Variants in TRPC4 observed in about 807,000 individuals in gnomAD.
TRPC4 encodes transient receptor potential cation channel subfamily C member 4, also known as short transient receptor potential channel 4.
In TRPC4, 49 loss-of-function variants were observed where a neutral mutation model predicts 99.4. The ratio of observed to expected loss-of-function variants is 0.49; its 90% confidence interval spans 0.39 to 0.63. The LOEUF (loss-of-function observed/expected upper bound fraction) is 0.63. TRPC4 is among the 20% of genes least tolerant of loss of function. The probability of loss-of-function intolerance (pLI) is 0.00; values close to 1 mark genes in which losing one functional copy is unlikely to be tolerated. For synonymous variants in TRPC4, 454 were observed against 425.9 expected, an observed-to-expected ratio of 1.07 and a Z score of -0.81; for missense variants, 898 against 1,152.9, an observed-to-expected ratio of 0.78 and a Z score of 3.20.
chr13:37,730,631 T>C (rs1334410781), intron 3 of TRPC4, among the ~76,000 whole-genome samples: 1 of 151,876 alleles, frequency 6.6e-6, no homozygotes, highest in Non-Finnish European at 1.5e-5. Flanking sequence ...TACTCACATA[T>C]AAGTTGGTAG....
At position 37,637,471 on chromosome 13, in the gene TRPC4, T is replaced by A. The variant is rs762033326; in HGVS notation, c.2366A>T (p.Asp789Val). Residue 789 changes from aspartate (D) to valine (V), a missense_variant, in exon 11 of 11, where the codon GAC becomes GTC. Physicochemically the swap from Asp to Val is radical, Grantham distance 152. This residue lies in a region of TRPC4 where 346 missense variants were observed against 351.4 expected (regional missense o/e 0.98). Coordinates refer to ENST00000379705, the MANE Select transcript of TRPC4 (RefSeq NM_016179.4). ...EKSDSEGNSKDKKKNFSLFDL... is the reference protein window; with the variant it reads ...EKSDSEGNSKVKKKNFSLFDL... ...AAAAAGGCTGAAATTCTTTTTCTTGTCCTTGCTATTACCTTCGCTATCACT... is the reference window on the plus strand; with the variant it reads ...AAAAAGGCTGAAATTCTTTTTCTTGACCTTGCTATTACCTTCGCTATCACT... 1 of 1,613,816 alleles carries A rather than the reference T, an allele frequency of 6.2e-7. No individual in the cohort carries two copies. The highest frequency in any genetic ancestry group is 1.1e-5 in the South Asian group (1 of 91,064).
chr13:37,713,730 G>C (rs558583268), intron 3 of TRPC4, among the ~76,000 whole-genome samples: 2 of 152,260 alleles, frequency 1.3e-5, no homozygotes, highest in Admixed American at 6.5e-5. Context: ...AAAACCCATG[G>C]ATGTTTTGTT....
chr13:37,813,921 A>T (rs998175709), intron 1 of TRPC4, among the ~76,000 whole-genome samples: 2 of 151,920 alleles, frequency 1.3e-5, no homozygotes, highest in Middle Eastern at 3.4e-3. Flanking sequence ...GAATAGAAAT[A>T]AAAAAAGTCC....
At chr13:37,642,446 G>A (rs1186409526) in intron 8 of TRPC4, among the ~76,000 whole-genome samples, 1 of 152,124 alleles carries the variant, frequency 6.6e-6, no homozygotes, top group Admixed American at 6.6e-5. Context: ...ATTTGGTCGA[G>A]TTACAGAGCA....
intron 1 of TRPC4, among the ~76,000 whole-genome samples, chr13:37,825,017 G>A (rs995901480): frequency 6.9e-4 from 105 of 151,698 alleles, no homozygotes; most frequent in African/African-American, 2.4e-3. Context: ...GTATGTGTCG[G>A]GGAATTTATC....
chr13:37,680,584 C>T (rs1427704590), intron 4 of TRPC4, among the ~76,000 whole-genome samples: 1 of 152,136 alleles, frequency 6.6e-6, no homozygotes, highest in Non-Finnish European at 1.5e-5. Context: ...GAAAAACTGC[C>T]CTGTACAAGA....
At chr13:37,638,979 G>A (rs1212972548) in intron 10 of TRPC4, 61 bp downstream of exon 10, 2 of 1,536,652 alleles carry the variant, frequency 1.3e-6, no homozygotes, top group Non-Finnish European at 1.8e-6. Flanking sequence ...TTTTAAATGT[G>A]CTCTATCTGG....
intron 1 of TRPC4, among the ~76,000 whole-genome samples, chr13:37,803,872 A>C (rs949802017): frequency 6.6e-6 from 1 of 152,148 alleles, no homozygotes; most frequent in African/African-American, 2.4e-5. Flanking sequence ...TTCTAGGTTC[A>C]GAATAAAGAT....
intron 1 of TRPC4, among the ~76,000 whole-genome samples, chr13:37,865,036 T>G (rs1258463962): frequency 6.6e-6 from 1 of 151,766 alleles, no homozygotes; most frequent in Non-Finnish European, 1.5e-5. Context: ...AGTACATATA[T>G]TCAAAGAAAG....
intron 3 of TRPC4, among the ~76,000 whole-genome samples, chr13:37,727,871 A>G (rs1028374416): frequency 6.6e-6 from 1 of 152,092 alleles, no homozygotes; most frequent in South Asian, 2.1e-4. Flanking sequence ...TATTTTTGGA[A>G]TGGGCTGATT....
intron 2 of TRPC4, among the ~76,000 whole-genome samples, chr13:37,767,206 T>C (rs1190208726): frequency 6.6e-6 from 1 of 151,302 alleles, no homozygotes; most frequent in Admixed American, 6.6e-5. Context: ...GTATAGTCCT[T>C]GAGACAGCAC....
Position 37,779,667 on chromosome 13 carries a change from T to C in TRPC4, c.378+3289A>G, listed in dbSNP as rs191052231. Among the ~76,000 whole-genome samples, 361 of 152,194 alleles carry C rather than the reference T, an allele frequency of 2.4e-3. 2 individuals are homozygous for C. Among genetic ancestry groups the C allele is most frequent in the African/African-American group, 8.3e-3 (343 of 41,556 alleles). On this transcript the variant is annotated intron_variant, in intron 2 of 10. Coordinates refer to ENST00000379705, the MANE Select transcript of TRPC4 (RefSeq NM_016179.4). ...GATAAGGTGATTTTATTTGCTTCAA[T>C]GTCCTCCTTATCATCTACATAACAA...
intron 2 of TRPC4, 79 bp from the exon 3 acceptor site, chr13:37,746,534 A>G (rs1456465284): frequency 6.8e-7 from 1 of 1,463,042 alleles, no homozygotes; most frequent in Admixed American, 2.2e-5. Context: ...ATGCTATAGC[A>G]ATATGGAACA....
intron 2 of TRPC4, among the ~76,000 whole-genome samples, chr13:37,766,389 C>T (rs555682603): frequency 6.7e-6 from 1 of 148,490 alleles, no homozygotes; most frequent in Non-Finnish European, 1.5e-5. Flanking sequence ...GAAATTAACG[C>T]AAACTTTTAA....
chr13:37,641,248 AAACTT>A (rs1377111141), intron 8 of TRPC4, among the ~76,000 whole-genome samples: 2 of 152,186 alleles, frequency 1.3e-5, no homozygotes, highest in African/African-American at 4.8e-5. Context: ...TCTTGGGAAA[AAACTT>A]AAAAAATCAA....
At chr13:37,788,545 TC>T (rs1370323459) in intron 1 of TRPC4, among the ~76,000 whole-genome samples, 1 of 151,898 alleles carries the variant, frequency 6.6e-6, no homozygotes. Context: ...ATGAAACTGG[TC>T]CTGCCTTGGG....
At chr13:37,798,740 A>G (rs1404919707) in intron 1 of TRPC4, among the ~76,000 whole-genome samples, 4 of 152,160 alleles carry the variant, frequency 2.6e-5, no homozygotes, top group African/African-American at 9.6e-5. Context: ...AACCAACTAT[A>G]TAAGTGTTTG....
chr13:37,777,342 C>T (rs908450982), intron 2 of TRPC4, among the ~76,000 whole-genome samples: 1 of 151,830 alleles, frequency 6.6e-6, no homozygotes, highest in African/African-American at 2.4e-5. Flanking sequence ...GGGAAGCAAG[C>T]ATGTCTTCAC....
At chr13:37,762,538 T>C (rs986938680) in intron 2 of TRPC4, among the ~76,000 whole-genome samples, 1 of 151,376 alleles carries the variant, frequency 6.6e-6, no homozygotes, top group Non-Finnish European at 1.5e-5. Context: ...TATGCAGCCA[T>C]AAAAAATGAT....
Sources: allele counts gnomAD v4.1 joint callset (sites outside exome capture counted in the v4.1 genomes callset), GRCh38; gene constraint gnomAD v4.1.1; regional missense constraint gnomAD v4.1.1; transcripts MANE v1.5; gene names NCBI Gene and HGNC (gene_info 2026-07-23, HGNC 2026-07-21).